SDK1: variants seen among roughly 807,000 people sequenced by gnomAD.
SDK1 encodes the protein protein sidekick-1.
Under a neutral mutation model 245.5 loss-of-function variants are expected in SDK1, and 157 were observed. The ratio of observed to expected loss-of-function variants is 0.64; its 90% confidence interval spans 0.56 to 0.73. SDK1 has a LOEUF of 0.73. Among genes scored for constraint, SDK1 ranks in the 30% least tolerant of loss-of-function variants. The pLI is 0.00. For synonymous variants in SDK1, 1,647 were observed against 1,278.5 expected, an observed-to-expected ratio of 1.29 and a Z score of -6.15; for missense variants, 3,583 against 3,002.3, an observed-to-expected ratio of 1.19 and a Z score of -4.52.
At chr7:3,319,196 G>C (rs1779734198) in intron 1 of SDK1, among the ~76,000 whole-genome samples, 1 of 152,158 alleles carries the variant, frequency 6.6e-6, no homozygotes, top group Non-Finnish European at 1.5e-5. Flanking sequence ...TGGAAGAACT[G>C]TCTCCCTGGG....
intron 5 of SDK1, among the ~76,000 whole-genome samples, chr7:3,853,651 A>G (rs577802661): frequency 3.3e-5 from 5 of 152,110 alleles, no homozygotes; most frequent in African/African-American, 1.2e-4. Flanking sequence ...CAAATCTGAG[A>G]TGCCCCAGTG....
intron 2 of SDK1, among the ~76,000 whole-genome samples, chr7:3,630,509 G>T (rs1361957988): frequency 6.6e-6 from 1 of 152,176 alleles, no homozygotes; most frequent in Non-Finnish European, 1.5e-5. Flanking sequence ...GGTGGTGCAT[G>T]CCTATAATCC....
intron 21 of SDK1, among the ~76,000 whole-genome samples, chr7:4,078,640 C>T (rs1422021641): frequency 6.6e-6 from 1 of 152,122 alleles, no homozygotes; most frequent in Admixed American, 6.5e-5. Flanking sequence ...CCCATTTTAT[C>T]CCCTTATCTT....
In SDK1 at chr7:3,814,410, A is replaced by G. The variant is rs912557812; in HGVS notation, c.714-7040A>G. ...CTTGTTTTTCTCAGGTTTGTCAAAG[A>G]TCAGATAGTTGTAGGTATGCGGCGT... On this transcript the variant is annotated intron_variant, in intron 4 of 44. Transcript: ENST00000404826. Among the ~76,000 whole-genome samples, 19 of 151,030 alleles carry G rather than the reference A, an allele frequency of 1.3e-4. No homozygotes were observed. In the East Asian group the frequency reaches 2.4e-3, roughly 19 times the overall value.
chr7:4,008,511 A>G (rs920415838), intron 14 of SDK1, among the ~76,000 whole-genome samples: 1 of 152,240 alleles, frequency 6.6e-6, no homozygotes, highest in African/African-American at 2.4e-5. Context: ...CGGGTCATAC[A>G]ATCTAAACTA....
At chr7:4,230,557 TAGAA>T (rs1274846251) in intron 40 of SDK1, among the ~76,000 whole-genome samples, 5 of 150,148 alleles carry the variant, frequency 3.3e-5, no homozygotes, top group Non-Finnish European at 5.9e-5. Flanking sequence ...GATGGATGGA[TAGAA>T]GGAAGGATGA....
rs73300967 is a variant in SDK1 at position 4,040,865 on chromosome 7, G to C, written c.2603-8483G>C. ...GGAGCCTCCATGTTGAATGTGTCTG[G>C]CCCTCAGGTAGCCCTTTTCTGTTGG... On this transcript the variant is annotated intron_variant, in intron 17 of 44. Transcript: ENST00000404826. Among the ~76,000 whole-genome samples the C allele has an allele frequency of 5.0e-3, 756 of 152,246 alleles. 11 individuals are homozygous for C. Among genetic ancestry groups the C allele is most frequent in the African/African-American group, 0.017 (723 of 41,550 alleles).
intron 4 of SDK1, among the ~76,000 whole-genome samples, chr7:3,710,606 C>T (rs760849180): frequency 5.9e-5 from 9 of 152,278 alleles, no homozygotes; most frequent in East Asian, 3.9e-4. Flanking sequence ...TAAAACAGAA[C>T]GGTGAAATCT....
At chr7:3,581,815 C>T (rs1210276604) in intron 1 of SDK1, among the ~76,000 whole-genome samples, 1 of 152,196 alleles carries the variant, frequency 6.6e-6, no homozygotes, top group African/African-American at 2.4e-5. Context: ...ACTATGCGGC[C>T]ATGAAATAGA....
chr7:3,711,242 ATCT>A (rs1317918109), intron 4 of SDK1, among the ~76,000 whole-genome samples: 3 of 152,300 alleles, frequency 2.0e-5, no homozygotes, highest in South Asian at 2.1e-4. Flanking sequence ...AGTGAGAATA[ATCT>A]TCTTTAATTT....
At chr7:3,949,955 ACCCATG>A (rs1780733276) in intron 5 of SDK1, among the ~76,000 whole-genome samples, 1 of 152,230 alleles carries the variant, frequency 6.6e-6, no homozygotes. Flanking sequence ...TTCCAGTGAC[ACCCATG>A]CCTAACGTAG....
chr7:3,669,773 A>G (rs1437518068), intron 4 of SDK1, among the ~76,000 whole-genome samples: 2 of 152,190 alleles, frequency 1.3e-5, no homozygotes, highest in African/African-American at 4.8e-5. Flanking sequence ...TTTGAGTTTC[A>G]AACCTATGTA....
At chr7:4,237,365 G>A (rs1786235629) in intron 41 of SDK1, among the ~76,000 whole-genome samples, 1 of 152,030 alleles carries the variant, frequency 6.6e-6, no homozygotes, top group South Asian at 2.1e-4. Context: ...GAAGTCTCCA[G>A]GGCAGGGGGC....
At chr7:3,869,422 C>A (rs1017910359) in intron 5 of SDK1, among the ~76,000 whole-genome samples, 1 of 152,122 alleles carries the variant, frequency 6.6e-6, no homozygotes, top group African/African-American at 2.4e-5. Context: ...TCCCAAAGTG[C>A]TGGGATTACA....
Position 4,148,360 on chromosome 7 carries a change from T to C in SDK1, c.4424-902T>C, listed in dbSNP as rs1381610136. Among the ~76,000 whole-genome samples, 3 of 152,230 alleles carry C rather than the reference T, an allele frequency of 2.0e-5. No homozygotes were observed. In the East Asian group the frequency reaches 5.8e-4, roughly 29 times the overall value. ...TCCTTCCGCCGCGGAACTTCTCTGC[T>C]GAAATCGATGGGGTGCAGAGGCACA... On this transcript the variant is annotated intron_variant, in intron 29 of 44. Transcript: ENST00000404826.
At position 4,012,106 on chromosome 7, in the gene SDK1, C is replaced by G; in HGVS notation, c.2291C>G (p.Pro764Arg). ...YSAETSRLML[P>R]EEPPSAPPKN... ...TCTTTTATTTATAGGTTGATGCTAC[C>G]TGAAGAACCACCCAGTGCTCCCCCG... is the stretch of plus-strand genomic sequence containing the variant. Residue 764 changes from proline to arginine, a missense_variant, in exon 16 of 45, where the codon CCT becomes CGT. Physicochemically the swap from Pro to Arg is moderately radical, Grantham distance 103 (BLOSUM62 -2). Coordinates refer to ENST00000404826, the MANE Select transcript of SDK1 (RefSeq NM_152744.4). The G allele has an allele frequency of 6.4e-7, 1 of 1,554,330 alleles. No individual in the cohort carries two copies. The highest frequency in any genetic ancestry group is 8.7e-7 in the Non-Finnish European group (1 of 1,151,978).
At chr7:3,692,193 T>C (rs1465943446) in intron 4 of SDK1, among the ~76,000 whole-genome samples, 1 of 152,154 alleles carries the variant, frequency 6.6e-6, no homozygotes, top group Non-Finnish European at 1.5e-5. Flanking sequence ...CAAGTTTCCA[T>C]TTTTTCTTAA....
intron 1 of SDK1, among the ~76,000 whole-genome samples, chr7:3,502,366 C>G (rs1398304018): frequency 6.6e-6 from 1 of 152,156 alleles, no homozygotes; most frequent in Non-Finnish European, 1.5e-5. Flanking sequence ...TCTCTTGCCT[C>G]AGCCTCCCGA....
intron 4 of SDK1, among the ~76,000 whole-genome samples, chr7:3,736,206 T>G (rs1411193428): frequency 6.6e-6 from 1 of 152,216 alleles, no homozygotes. Flanking sequence ...GTGGTACATT[T>G]TATCTACTTT....
Sources: gnomAD v4.1 joint callset for allele counts (sites outside exome capture counted in the v4.1 genomes callset) on GRCh38, gnomAD v4.1.1 for gene constraint, MANE v1.5 for transcripts, NCBI Gene and HGNC (gene_info 2026-07-23, HGNC 2026-07-21) for gene names.